The following RPF1 variants were observed in gnomAD, a reference collection of about 807,000 sequenced individuals.
The protein encoded by RPF1 is ribosome production factor 1 homolog.
A neutral mutation model predicts 41.9 loss-of-function variants in RPF1; 34 were observed. That is an observed-to-expected ratio of 0.81 (90% CI 0.62 to 1.08). RPF1 has a LOEUF of 1.08. Ranked by LOEUF, RPF1 falls within the 50% of genes least tolerant of loss-of-function variation. The pLI is 0.00. For synonymous variants in RPF1, 140 were observed against 148.9 expected, an observed-to-expected ratio of 0.94 and a Z score of 0.43; for missense variants, 425 against 435.2, an observed-to-expected ratio of 0.98 and a Z score of 0.21.
intron 5 of RPF1, among the ~76,000 whole-genome samples, chr1:84,493,891 T>C (rs1221278735): frequency 6.6e-6 from 1 of 152,104 alleles, no homozygotes; most frequent in African/African-American, 2.4e-5. Context: ...GGGCATAGGG[T>C]AAATAGGTTG....
At chr1:84,483,214 T>C in intron 3 of RPF1, 1 of 522,084 alleles carries the variant, frequency 1.9e-6, no homozygotes. Context: ...AGGTAAACTT[T>C]TACATTTGTC....
chr1:84,483,916 T>C (rs1439638175), intron 3 of RPF1, among the ~76,000 whole-genome samples: 1 of 152,220 alleles, frequency 6.6e-6, no homozygotes, highest in African/African-American at 2.4e-5. Context: ...TGCATCGTAT[T>C]GGGATCTGTT....
rs1442904366 is a variant in RPF1 at position 84,479,348 on chromosome 1, G to A, written c.67G>A (p.Glu23Lys). The change falls in exon 1 of 9, where the codon GAA becomes AAA. Residue 23 changes from glutamate (E) to lysine (K), a missense_variant. By Grantham distance (56) the Glu-to-Lys change is moderately conservative (BLOSUM62 1). Coordinates refer to ENST00000370654, the MANE Select transcript of RPF1 (RefSeq NM_025065.7). ...KKSLKRKAAA[E>K]ELQEAAGAGD... is the part of the protein sequence containing the mutation. ...AAGTCTAAAACGGAAAGCCGCTGCC[G>A]AAGAACTTCAGGAGGCTGCAGGCGC... The A allele has an allele frequency of 3.1e-6, 5 of 1,612,996 alleles. No individual in the cohort carries two copies. Among genetic ancestry groups the A allele is most frequent in the Admixed American group, 1.7e-5 (1 of 59,744 alleles).
intron 3 of RPF1, among the ~76,000 whole-genome samples, chr1:84,485,397 C>T (rs1681719493): frequency 6.6e-6 from 1 of 152,206 alleles, no homozygotes. Context: ...CCCCACCTGG[C>T]GTAAAGGTAA....
chr1:84,479,607 A>G, intron 1 of RPF1, 98 bp downstream of exon 1: 2 of 1,189,892 alleles, frequency 1.7e-6, no homozygotes, highest in South Asian at 2.9e-5. Context: ...TGGTCTCAAA[A>G]GTGTTCTCTG....
At position 84,498,054 on chromosome 1, in the gene RPF1, A is replaced by G. The variant is rs1355452511; in HGVS notation, c.*584A>G. ...GGGGAGCTCTTTTTTACCTCATTAC[A>G]TGGTGCTGTAGTACTCCATTCAGGC... On this transcript the variant is annotated 3_prime_UTR_variant, in exon 9 of 9. Coordinates refer to ENST00000370654, the MANE Select transcript of RPF1 (RefSeq NM_025065.7). Among the ~76,000 whole-genome samples the G allele has an allele frequency of 5.3e-5, 8 of 152,148 alleles. No homozygotes were observed. The highest frequency in any genetic ancestry group is 2.0e-4 in the Admixed American group (3 of 15,280).
chr1:84,482,805 G>A (rs1005604757), intron 2 of RPF1, 110 bp from the exon 3 acceptor site: 20 of 629,624 alleles, frequency 3.2e-5, no homozygotes, highest in Admixed American at 1.3e-4. Context: ...GGATTGATAT[G>A]AGGAACAGAT....
At chr1:84,491,099 G>A (rs1212349739) in intron 5 of RPF1, among the ~76,000 whole-genome samples, 2 of 152,168 alleles carry the variant, frequency 1.3e-5, no homozygotes, top group Admixed American at 1.3e-4. Flanking sequence ...GTGTGTTCCA[G>A]TCTAAAACTT....
Position 84,490,354 on chromosome 1 carries a change from T to C in RPF1, c.498T>C (p.Val166=), listed in dbSNP as rs1435765793. 6 of 1,608,896 alleles carry C rather than the reference T, an allele frequency of 3.7e-6. No homozygotes were observed. Among genetic ancestry groups the C allele is most frequent in the Non-Finnish European group, 5.1e-6 (6 of 1,178,114 alleles). Residue 166 remains valine (V), a synonymous_variant, in exon 5 of 9, where the codon GTT becomes GTC. Coordinates refer to ENST00000370654, the MANE Select transcript of RPF1 (RefSeq NM_025065.7). ...GACTCTGTGAACAGCTCTCCACAGT[T>C]ATACCAAACTCACATGTTTATTACA... ...TVRLCEQLST[V]IPNSHVYYRR... is the part of the protein sequence containing the mutation.
chr1:84,487,444 T>A (rs958747304), intron 3 of RPF1, among the ~76,000 whole-genome samples: 1 of 152,186 alleles, frequency 6.6e-6, no homozygotes, highest in Non-Finnish European at 1.5e-5. Context: ...TTTGCCCAGT[T>A]TTCTATCATG....
chr1:84,486,211 C>G (rs536795248), intron 3 of RPF1, among the ~76,000 whole-genome samples: 11 of 152,134 alleles, frequency 7.2e-5, no homozygotes, highest in African/African-American at 2.6e-4. Context: ...AGAAGAAAGA[C>G]CAGATCAGTG....
intron 1 of RPF1, among the ~76,000 whole-genome samples, chr1:84,479,878 A>G (rs1681611756): frequency 1.3e-5 from 2 of 152,182 alleles, no homozygotes; most frequent in South Asian, 4.1e-4. Flanking sequence ...CAGAATCTGA[A>G]ATGGAGGCAA....
intron 2 of RPF1, among the ~76,000 whole-genome samples, chr1:84,482,273 T>A (rs916889501): frequency 2.0e-5 from 3 of 152,214 alleles, no homozygotes; most frequent in African/African-American, 7.2e-5. Context: ...TTTACACCAT[T>A]TCTTGGTCTA....
Position 84,497,629 on chromosome 1 carries a change from T to G in RPF1, c.*159T>G, listed in dbSNP as rs190838372. 23 of 498,860 alleles carry G rather than the reference T, an allele frequency of 4.6e-5. No individual in the cohort carries two copies. In the Admixed American group the frequency reaches 8.0e-4, roughly 17 times the overall value. 30.9% of individuals were successfully genotyped at this position (498,860 alleles called of 1,614,324 possible). ...AAATGCCATGAATTGCCACTGTGTG[T>G]TTATGTAGAAAATACAAATAAAAGT... is the stretch of plus-strand genomic sequence containing the variant. On this transcript the variant is annotated 3_prime_UTR_variant, in exon 9 of 9. Coordinates refer to ENST00000370654, the MANE Select transcript of RPF1 (RefSeq NM_025065.7).
rs1244981526 is a variant in RPF1, at chr1:84,479,642, G to C, written c.228+133G>C. 2 of 813,066 alleles carry C rather than the reference G, an allele frequency of 2.5e-6. 1 individual carries two copies. Among genetic ancestry groups the C allele is most frequent in the Non-Finnish European group, 3.9e-6 (2 of 515,906 alleles). The allele number at this position is 813,066 out of a possible 1,614,324, so 50.4% of individuals were successfully genotyped here. A position where few individuals can be genotyped will look rare whatever the true frequency, so the allele number is the denominator to read the frequency against. ...GTGGCTCCGTGGGAAGGGTGGCGTC[G>C]CGGCCCACGTGTTCTGGTCCCCTCG... On this transcript the variant is annotated intron_variant, in intron 1 of 8. Coordinates refer to ENST00000370654, the MANE Select transcript of RPF1 (RefSeq NM_025065.7).
Position 84,489,736 on chromosome 1 carries a change from C to T in RPF1, c.462+8C>T, listed in dbSNP as rs920579298. The T allele has an allele frequency of 1.0e-5, 15 of 1,448,086 alleles. No homozygotes were observed. Among genetic ancestry groups the T allele is most frequent in the African/African-American group, 1.4e-5 (1 of 71,582 alleles). 89.7% of individuals were successfully genotyped at this position (1,448,086 alleles called of 1,614,324 possible). A position where few individuals can be genotyped will look rare whatever the true frequency, so the allele number is the denominator to read the frequency against. ...TCAGATAGACCTCATGGGGTAAACA[C>T]ATTGATTAATTTAGTTCTTGAATTC... On this transcript the variant is annotated splice_region_variant and intron_variant, in intron 4 of 8. Coordinates refer to ENST00000370654, the MANE Select transcript of RPF1 (RefSeq NM_025065.7).
chr1:84,485,952 G>A (rs1028432778), intron 3 of RPF1, among the ~76,000 whole-genome samples: 1 of 152,054 alleles, frequency 6.6e-6, no homozygotes, highest in African/African-American at 2.4e-5. Context: ...TGTCTACTGG[G>A]TAGTGATTTT....
At chr1:84,487,776 G>A (rs1225998309) in intron 3 of RPF1, among the ~76,000 whole-genome samples, 2 of 152,002 alleles carry the variant, frequency 1.3e-5, no homozygotes, top group Non-Finnish European at 2.9e-5. Context: ...ATGGAAACCA[G>A]TTACTTTCCT....
chr1:84,495,476 T>C, intron 6 of RPF1, 21 bp downstream of exon 6: 1 of 959,294 alleles, frequency 1.0e-6, no homozygotes. Flanking sequence ...TACATTTCTT[T>C]GATTGGCATT....
Sources: gnomAD v4.1 joint callset for allele counts (sites outside exome capture counted in the v4.1 genomes callset) on GRCh38, gnomAD v4.1.1 for gene constraint, MANE v1.5 for transcripts, NCBI Gene and HGNC (gene_info 2026-07-23, HGNC 2026-07-21) for gene names.